Variants in MARCHF1 observed in about 807,000 individuals in gnomAD.
The protein encoded by MARCHF1 is membrane associated ring-CH-type finger 1, also known as E3 ubiquitin-protein ligase MARCHF1.
Under a neutral mutation model 54.2 loss-of-function variants are expected in MARCHF1, and 40 were observed. The observed-to-expected ratio is 0.74, with a 90% CI of 0.57 to 0.96. The LOEUF is 0.96. MARCHF1 is among the 40% of genes least tolerant of loss of function. The probability of loss-of-function intolerance (pLI) is 0.00; values close to 1 mark genes in which losing one functional copy is unlikely to be tolerated. For synonymous variants in MARCHF1, 236 were observed against 236.3 expected (o/e 1.00, Z 0.01); for missense variants, 586 against 656.5 (o/e 0.89, Z 1.17).
chr4:164,101,926 G>A (rs1755572195), intron 2 of MARCHF1, among the ~76,000 whole-genome samples: 1 of 150,124 alleles, frequency 6.7e-6, no homozygotes, highest in Non-Finnish European at 1.5e-5. Context: ...TAAAGGAGCT[G>A]ATGGAGCTGA....
intron 2 of MARCHF1, among the ~76,000 whole-genome samples, chr4:164,105,967 A>G (rs1037787578): frequency 2.0e-5 from 3 of 148,058 alleles, no homozygotes; most frequent in Admixed American, 2.0e-4. Context: ...ACATGAACAG[A>G]CACTTCTCAA....
At chr4:163,853,791 C>G (rs552242724) in intron 4 of MARCHF1, among the ~76,000 whole-genome samples, 1 of 152,088 alleles carries the variant, frequency 6.6e-6, no homozygotes, top group South Asian at 2.1e-4. Flanking sequence ...TCCAAACTAA[C>G]AAAAAGAGAA....
rs58609595 is a variant in MARCHF1, at chr4:163,991,152, A to G, written c.-247-2443T>C. On this transcript the variant is annotated intron_variant, in intron 2 of 9. Coordinates refer to ENST00000514618, the MANE Select transcript of MARCHF1 (RefSeq NM_001394959.1). The stretch of plus-strand genomic sequence containing the variant: ...CTGGAAAAGTGAATTTATTTCTTAG[A>G]GTATTTTACATGGTAAACAAGAAGA... Among the ~76,000 whole-genome samples, 660 of 152,300 alleles carry G rather than the reference A, an allele frequency of 4.3e-3. 8 individuals are homozygous for G. The highest frequency in any genetic ancestry group is 0.015 in the African/African-American group (641 of 41,578).
intron 1 of MARCHF1, among the ~76,000 whole-genome samples, chr4:164,292,906 C>A (rs929471547): frequency 2.0e-5 from 3 of 152,072 alleles, no homozygotes; most frequent in African/African-American, 7.2e-5. Context: ...TGATTCCTCC[C>A]TAAAATCTTC....
intron 3 of MARCHF1, among the ~76,000 whole-genome samples, chr4:163,976,972 T>A (rs866155744): frequency 8.5e-5 from 13 of 152,114 alleles, no homozygotes; most frequent in African/African-American, 3.1e-4. Flanking sequence ...TAAAAAATAG[T>A]TCTGTTAAGT....
intron 8 of MARCHF1, among the ~76,000 whole-genome samples, chr4:163,578,711 C>G (rs1050332999): frequency 6.6e-6 from 1 of 152,160 alleles, no homozygotes; most frequent in East Asian, 1.9e-4. Flanking sequence ...GTGTCCAGCT[C>G]TCTCTTTGAA....
At chr4:164,380,852 G>A (rs1561026664) in intron 1 of MARCHF1, among the ~76,000 whole-genome samples, 1 of 152,128 alleles carries the variant, frequency 6.6e-6, no homozygotes, top group Non-Finnish European at 1.5e-5. Flanking sequence ...ACAATGTTTT[G>A]TGATCCATAA....
chr4:164,214,411 C>T (rs1731870563), intron 1 of MARCHF1, among the ~76,000 whole-genome samples: 1 of 152,162 alleles, frequency 6.6e-6, no homozygotes, highest in Non-Finnish European at 1.5e-5. Context: ...TTCTAAAACA[C>T]ATCTTTGTTT....
At chr4:164,197,178 A>G (rs1731292351) in intron 1 of MARCHF1, 1 of 1,608,214 alleles carries the variant, frequency 6.2e-7, no homozygotes, top group African/African-American at 1.3e-5. Context: ...CTACCTGAGC[A>G]TCTTCATCAT....
intron 1 of MARCHF1, among the ~76,000 whole-genome samples, chr4:164,379,309 T>TACTC (rs1424653461): frequency 2.0e-5 from 3 of 151,586 alleles, no homozygotes; most frequent in Non-Finnish European, 2.9e-5. Context: ...GTCAAAAGAA[T>TACTC]ACTCAAACAA....
chr4:163,613,472 T>G (rs1741417843), intron 5 of MARCHF1, 79 bp from the exon 6 acceptor site: 1 of 1,612,286 alleles, frequency 6.2e-7, no homozygotes, highest in Non-Finnish European at 8.5e-7. Flanking sequence ...TCCACATATT[T>G]AAAAAATTAC....
intron 1 of MARCHF1, among the ~76,000 whole-genome samples, chr4:164,241,474 C>T (rs2111209729): frequency 6.6e-6 from 1 of 152,262 alleles, no homozygotes; most frequent in Non-Finnish European, 1.5e-5. Context: ...CAATAGTTTG[C>T]CTTCCCTTCC....
chr4:164,348,865 C>A (rs1730196371), intron 1 of MARCHF1, among the ~76,000 whole-genome samples: 1 of 152,118 alleles, frequency 6.6e-6, no homozygotes, highest in Non-Finnish European at 1.5e-5. Context: ...CTTCCAGATA[C>A]AGAAGATACC....
intron 3 of MARCHF1, among the ~76,000 whole-genome samples, chr4:163,897,290 A>C (rs868238976): frequency 1.2e-4 from 19 of 152,172 alleles, no homozygotes; most frequent in Admixed American, 1.2e-3. Context: ...TACTGAACCC[A>C]TCATCTTTTT....
At chr4:164,289,513 T>C (rs1390262946) in intron 1 of MARCHF1, among the ~76,000 whole-genome samples, 2 of 151,182 alleles carry the variant, frequency 1.3e-5, no homozygotes, top group African/African-American at 4.9e-5. Context: ...ATGCAGCCAC[T>C]TTTCTGTGAA....
chr4:164,315,231 C>CAAAA (rs58264322), intron 1 of MARCHF1, among the ~76,000 whole-genome samples: 14 of 100,650 alleles, frequency 1.4e-4, no homozygotes, highest in African/African-American at 1.5e-4. Flanking sequence ...GTTAATTTAA[C>CAAAA]AAAAAAAAAA....
intron 4 of MARCHF1, among the ~76,000 whole-genome samples, chr4:163,838,427 C>T (rs1749251124): frequency 6.6e-6 from 1 of 151,892 alleles, no homozygotes; most frequent in African/African-American, 2.4e-5. Context: ...ATTTTGGCTC[C>T]AACATTGGTT....
chr4:163,733,258 T>TACACATGTATATATATAC (rs1745931775), intron 4 of MARCHF1, among the ~76,000 whole-genome samples: 2 of 45,062 alleles, frequency 4.4e-5, no homozygotes, highest in African/African-American at 1.3e-4. Context: ...TATATATATA[T>TACACATGTATATATATAC]ACACACACAC....
chr4:163,660,477 G>A (rs1408688638), intron 5 of MARCHF1, among the ~76,000 whole-genome samples: 2 of 151,644 alleles, frequency 1.3e-5, no homozygotes, highest in Non-Finnish European at 2.9e-5. Context: ...CATAGATGAC[G>A]GGTGGATAGA....
Sources: allele counts gnomAD v4.1 joint callset (sites outside exome capture counted in the v4.1 genomes callset), GRCh38; gene constraint gnomAD v4.1.1; transcripts MANE v1.5; gene names NCBI Gene and HGNC (gene_info 2026-07-23, HGNC 2026-07-21).